OTUD6B: variants seen among roughly 807,000 people sequenced by gnomAD.
The protein encoded by OTUD6B is deubiquitinase OTUD6B.
In OTUD6B, 41 loss-of-function variants were observed where a neutral mutation model predicts 36.9. The observed-to-expected ratio is 1.11, with a 90% CI of 0.87 to 1.44. The LOEUF (loss-of-function observed/expected upper bound fraction) is 1.44, where lower values mean the gene tolerates loss of function less well. Ranked by LOEUF, OTUD6B falls within the 40% of genes most tolerant of loss-of-function variation. OTUD6B has a pLI of 0.00. For synonymous variants in OTUD6B, 114 were observed against 114.2 expected, an observed-to-expected ratio of 1.00 and a Z score of 0.01; for missense variants, 356 against 344.8, an observed-to-expected ratio of 1.03 and a Z score of -0.26.
At chr8:91,084,652 AGTCTATTG>A (rs1268644328) in intron 6 of OTUD6B, 124 bp from the exon 7 acceptor site, 42 of 1,034,964 alleles carry the variant, frequency 4.1e-5, no homozygotes, top group Non-Finnish European at 5.0e-5. Flanking sequence ...ATGTCCACAT[AGTCTATTG>A]AGTGAAACCC....
At chr8:91,082,745 CTTTTT>C (rs369648071) in intron 5 of OTUD6B, among the ~76,000 whole-genome samples, 2 of 111,850 alleles carry the variant, frequency 1.8e-5, no homozygotes, top group Non-Finnish European at 3.5e-5. Context: ...GGTCATATGT[CTTTTT>C]TTTTTTTTTT....
At chr8:91,071,052 G>A (rs1812685419) in intron 1 of OTUD6B, 86 bp from the exon 2 acceptor site, 1 of 1,562,054 alleles carries the variant, frequency 6.4e-7, no homozygotes, top group Non-Finnish European at 8.6e-7. Flanking sequence ...TGTACCCTTC[G>A]CCCGTTACCA....
intron 2 of OTUD6B, among the ~76,000 whole-genome samples, chr8:91,072,567 T>C (rs1812721142): frequency 6.6e-6 from 1 of 152,228 alleles, no homozygotes; most frequent in Non-Finnish European, 1.5e-5. Context: ...TTTATAATGG[T>C]CCTTACATTA....
chr8:91,075,183 A>G (rs1353174524), intron 3 of OTUD6B, among the ~76,000 whole-genome samples: 1 of 152,074 alleles, frequency 6.6e-6, no homozygotes, highest in Non-Finnish European at 1.5e-5. Flanking sequence ...AACATTTCTC[A>G]TTCTTGTGTA....
rs376871941 is a variant in OTUD6B, at chr8:91,082,894, A to G, written c.691-1114A>G. Among the ~76,000 whole-genome samples, 12 of 151,248 alleles carry G rather than the reference A, an allele frequency of 7.9e-5. No individual in the cohort carries two copies. In the East Asian group the frequency reaches 1.6e-3, roughly 20 times the overall value. On this transcript the variant is annotated intron_variant, in intron 5 of 6. Transcript: ENST00000404789. ...GGTTAATTTTTGTATTTTTTTGTAG[A>G]GACATGGTTTTACCATGTTGCCCAG...
At chr8:91,083,921 C>A (rs1812955609) in intron 5 of OTUD6B, 87 bp from the exon 6 acceptor site, 6 of 1,519,178 alleles carry the variant, frequency 3.9e-6, no homozygotes, top group Non-Finnish European at 5.3e-6. Flanking sequence ...ACAGCGTATC[C>A]CTGCTCTGAC....
At chr8:91,071,055 C>CTA in intron 1 of OTUD6B, 83 bp from the exon 2 acceptor site, 1 of 1,571,222 alleles carries the variant, frequency 6.4e-7, no homozygotes, top group Non-Finnish European at 8.6e-7. Context: ...ACCCTTCGCC[C>CTA]GTTACCATCC....
chr8:91,076,626 T>C (rs1563581220), intron 3 of OTUD6B: 2 of 1,532,550 alleles, frequency 1.3e-6, no homozygotes, highest in South Asian at 2.4e-5. Flanking sequence ...GTGTTGTCCT[T>C]GGTCCCTGCT....
At chr8:91,072,691 T>G (rs1210026329) in intron 2 of OTUD6B, among the ~76,000 whole-genome samples, 1 of 152,220 alleles carries the variant, frequency 6.6e-6, no homozygotes, top group African/African-American at 2.4e-5. Context: ...GGCGTTAAAT[T>G]GTGTTGTGAC....
intron 3 of OTUD6B, among the ~76,000 whole-genome samples, chr8:91,075,484 C>T (rs1396714425): frequency 6.6e-6 from 1 of 151,992 alleles, no homozygotes; most frequent in African/African-American, 2.4e-5. Context: ...TTGTTCCTCC[C>T]CAGCTGGACC....
chr8:91,078,281 A>G (rs796377992), intron 3 of OTUD6B, 75 bp from the exon 4 acceptor site: 6 of 1,461,416 alleles, frequency 4.1e-6, no homozygotes, highest in South Asian at 3.0e-5. Context: ...AGACCTTTAC[A>G]TTTCCCTTCC....
At position 91,078,565 on chromosome 8, in the gene OTUD6B, T is replaced by G. The variant is rs747123467; in HGVS notation, c.525T>G (p.Thr175=). ...DQLKEKDCAL[T]VVALRSQTAE... ...TGAAAGAAAAGGATTGTGCTCTGACTGTGGTTGCCTTGAGAAGTCAGACCG... is the reference window on the plus strand; with the variant it reads ...TGAAAGAAAAGGATTGTGCTCTGACGGTGGTTGCCTTGAGAAGTCAGACCG... Residue 175 remains threonine (T), a synonymous_variant, in exon 4 of 7, where the codon ACT becomes ACG. Transcript: ENST00000404789. The G allele has an allele frequency of 6.2e-7, 1 of 1,608,158 alleles. No homozygotes were observed. Among genetic ancestry groups the G allele is most frequent in the South Asian group, 1.1e-5 (1 of 89,980 alleles).
intron 2 of OTUD6B, among the ~76,000 whole-genome samples, chr8:91,072,919 TA>T (rs747500380): frequency 1.3e-5 from 2 of 152,238 alleles, no homozygotes; most frequent in Non-Finnish European, 2.9e-5. Flanking sequence ...CTTTTCTGAA[TA>T]CTACCAAAAA....
At chr8:91,081,404 T>C (rs1483381381) in intron 5 of OTUD6B, among the ~76,000 whole-genome samples, 1 of 151,608 alleles carries the variant, frequency 6.6e-6, no homozygotes, top group Non-Finnish European at 1.5e-5. Flanking sequence ...AACAGGTAGG[T>C]AGGCCAGATG....
rs1477662250 is a variant in OTUD6B at position 91,086,353 on chromosome 8, G to C, written c.*1485G>C. The C allele has an allele frequency of 6.6e-6, 1 of 151,976 alleles. No individual in the cohort carries two copies. Among genetic ancestry groups the C allele is most frequent in the Non-Finnish European group, 1.5e-5 (1 of 67,958 alleles). The allele number at this position is 151,976 out of a possible 1,614,324, so 9.4% of individuals were successfully genotyped here. ...GATAGCAAGTAAGTACTTCCTGAAG[G>C]CTTTCCAGTTCAAAAGATTACAAGC... On this transcript the variant is annotated 3_prime_UTR_variant, in exon 7 of 7. Transcript: ENST00000404789.
chr8:91,075,416 T>A (rs904311360), intron 3 of OTUD6B, among the ~76,000 whole-genome samples: 1 of 152,030 alleles, frequency 6.6e-6, no homozygotes, highest in African/African-American at 2.4e-5. Context: ...CATCTTATAA[T>A]AGCCTATTTA....
rs1466729367 is a variant in OTUD6B, at chr8:91,086,724, T to G, written c.*1856T>G. The stretch of plus-strand genomic sequence containing the variant: ...TTTTTAATTTAAGTGGCCAATGTGG[T>G]TATGAACAAGATTTGTATGGTCAGC... On this transcript the variant is annotated 3_prime_UTR_variant, in exon 7 of 7. Coordinates refer to ENST00000404789, the MANE Select transcript of OTUD6B (RefSeq NM_016023.5). The G allele has an allele frequency of 6.6e-6, 1 of 152,090 alleles. No individual in the cohort carries two copies. The highest frequency in any genetic ancestry group is 1.5e-5 in the Non-Finnish European group (1 of 67,964). The allele number at this position is 152,090 out of a possible 1,614,324, so 9.4% of individuals were successfully genotyped here. A position where few individuals can be genotyped will look rare whatever the true frequency, so the allele number is the denominator to read the frequency against.
Position 91,085,006 on chromosome 8 carries a change from T to C in OTUD6B, c.*138T>C. On this transcript the variant is annotated 3_prime_UTR_variant, in exon 7 of 7. Transcript: ENST00000404789. ...TTTATGGCAAAGCTACTAACAGGTG[T>C]TTTTAGAAATATGTCAGAGATAAAC... The C allele has an allele frequency of 2.4e-6, 1 of 410,526 alleles. No homozygotes were observed. The allele number at this position is 410,526 out of a possible 1,614,324, so 25.4% of individuals were successfully genotyped here.
intron 5 of OTUD6B, 89 bp from the exon 6 acceptor site, chr8:91,083,909 ACACAGCGTAT>A (rs1407278362): frequency 4.7e-5 from 69 of 1,477,590 alleles, no homozygotes; most frequent in Non-Finnish European, 6.0e-5. Flanking sequence ...ACAGTGGTGA[ACACAGCGTAT>A]CCCTGCTCTG....
Sources: allele counts gnomAD v4.1 joint callset (sites outside exome capture counted in the v4.1 genomes callset), GRCh38; gene constraint gnomAD v4.1.1; transcripts MANE v1.5; gene names NCBI Gene and HGNC (gene_info 2026-07-23, HGNC 2026-07-21).